SLC45A4: variants seen among roughly 807,000 people sequenced by gnomAD.
The protein encoded by SLC45A4 is solute carrier family 45 member 4, also known as polyamine-transporter SLC45A4.
SLC45A4 carries 32 observed loss-of-function variants against 63.7 expected under a neutral mutation model. That is an observed-to-expected ratio of 0.50 (90% CI 0.38 to 0.67). The LOEUF (loss-of-function observed/expected upper bound fraction) is 0.67. Ranked by LOEUF, SLC45A4 falls within the 30% of genes least tolerant of loss-of-function variation. The probability of loss-of-function intolerance (pLI) is 0.00; values close to 1 mark genes in which losing one functional copy is unlikely to be tolerated. For missense variants in SLC45A4, 1,027 were observed against 1,157.7 expected (o/e 0.89, Z 1.64); for synonymous variants, 535 against 510.0 (o/e 1.05, Z -0.66).
chr8:141,267,632 A>G (rs1589833501), intron 1 of SLC45A4, among the ~76,000 whole-genome samples: 1 of 152,342 alleles, frequency 6.6e-6, no homozygotes, highest in East Asian at 1.9e-4. Flanking sequence ...CCAATAAATG[A>G]TCTTTTGCTA....
chr8:141,284,408 C>T (rs1345047969), intron 1 of SLC45A4, among the ~76,000 whole-genome samples: 1 of 152,246 alleles, frequency 6.6e-6, no homozygotes, highest in Non-Finnish European at 1.5e-5. Context: ...AGGGGCCACC[C>T]CCAGCACTCC....
rs1183228647 is a variant in SLC45A4, at chr8:141,208,806, TG to T, written c.*2765del. 2 of 152,270 alleles carry T rather than the reference TG, an allele frequency of 1.3e-5. No individual in the cohort carries two copies. The highest frequency in any genetic ancestry group is 4.8e-5 in the African/African-American group (2 of 41,460). The allele number at this position is 152,270 out of a possible 1,614,324, so 9.4% of individuals were successfully genotyped here. On this transcript the variant is annotated 3_prime_UTR_variant, in exon 9 of 9. Transcript: ENST00000517878. ...TCCCGCCAGCTCGCATTCCTGCACC[TG>T]GAAACTTCTGCCATGTGTTAAGGGG...
chr8:141,246,182 C>G (rs866419542), intron 2 of SLC45A4, among the ~76,000 whole-genome samples: 2 of 152,186 alleles, frequency 1.3e-5, no homozygotes, highest in African/African-American at 4.8e-5. Flanking sequence ...GGAAAAATTC[C>G]AATGTACCCA....
intron 1 of SLC45A4, among the ~76,000 whole-genome samples, chr8:141,288,405 G>A (rs1830229856): frequency 6.6e-6 from 1 of 152,200 alleles, no homozygotes; most frequent in Non-Finnish European, 1.5e-5. Flanking sequence ...GCATCGGTAC[G>A]CCACATTTTC....
Position 141,234,417 on chromosome 8 carries a change from C to T in SLC45A4, c.242-12652G>A, listed in dbSNP as rs79276323. ...CTGGCCAGTGTGGAAGAAGGGCGTC[C>T]GTTGTTTGTTCCCTGCTCATGGCTG... is the stretch of plus-strand genomic sequence containing the variant. On this transcript the variant is annotated intron_variant, in intron 2 of 8. Coordinates refer to ENST00000517878, the MANE Select transcript of SLC45A4 (RefSeq NM_001286646.2). Among the ~76,000 whole-genome samples the T allele has an allele frequency of 9.8e-4, 150 of 152,306 alleles. 2 individuals are homozygous for T. The East Asian group carries it at 0.028, about 28-fold the overall frequency.
At chr8:141,222,417 T>G (rs548545909) in intron 2 of SLC45A4, among the ~76,000 whole-genome samples, 167 of 152,264 alleles carry the variant, frequency 1.1e-3, no homozygotes, top group Non-Finnish European at 1.9e-3. Context: ...GCACCTGTCA[T>G]GCTCACATTC....
In SLC45A4 at chr8:141,209,836, C is replaced by G. The variant is rs891522578; in HGVS notation, c.*1736G>C. 1 of 152,220 alleles carries G rather than the reference C, an allele frequency of 6.6e-6. No individual in the cohort carries two copies. The highest frequency in any genetic ancestry group is 2.4e-5 in the African/African-American group (1 of 41,450). 9.4% of individuals were successfully genotyped at this position (152,220 alleles called of 1,614,324 possible). A position where few individuals can be genotyped will look rare whatever the true frequency, so the allele number is the denominator to read the frequency against. On this transcript the variant is annotated 3_prime_UTR_variant, in exon 9 of 9. Coordinates refer to ENST00000517878, the MANE Select transcript of SLC45A4 (RefSeq NM_001286646.2). ...TAACACACTATTCAGAGGGGGGTTG[C>G]GAAGCCCCTCTTCCTCCTAAAAATC...
intron 1 of SLC45A4, among the ~76,000 whole-genome samples, chr8:141,297,242 C>T (rs1459049888): frequency 6.6e-6 from 1 of 151,850 alleles, no homozygotes; most frequent in Non-Finnish European, 1.5e-5. Flanking sequence ...CCAAATGCAA[C>T]AGGGCTCCAC....
At chr8:141,280,059 C>T (rs988598560) in intron 1 of SLC45A4, among the ~76,000 whole-genome samples, 3 of 152,236 alleles carry the variant, frequency 2.0e-5, no homozygotes, top group Admixed American at 1.3e-4. Context: ...CCAGCCTTGC[C>T]GCACATCAGT....
intron 2 of SLC45A4, among the ~76,000 whole-genome samples, chr8:141,242,513 C>T (rs1827962963): frequency 6.6e-6 from 1 of 152,154 alleles, no homozygotes; most frequent in African/African-American, 2.4e-5. Flanking sequence ...ACCATACTCC[C>T]CCATTATCAA....
At chr8:141,276,621 G>C (rs942287449) in intron 1 of SLC45A4, among the ~76,000 whole-genome samples, 4 of 152,172 alleles carry the variant, frequency 2.6e-5, no homozygotes, top group Admixed American at 2.6e-4. Context: ...CTCTGCCCCA[G>C]TGTCGCCCAC....
At chr8:141,257,092 T>G (rs1206903950) in intron 1 of SLC45A4, among the ~76,000 whole-genome samples, 1 of 152,206 alleles carries the variant, frequency 6.6e-6, no homozygotes, top group Non-Finnish European at 1.5e-5. Flanking sequence ...GACCTCATGA[T>G]CCACCTGCTT....
chr8:141,268,828 G>T (rs547679246), intron 1 of SLC45A4, among the ~76,000 whole-genome samples: 1 of 152,052 alleles, frequency 6.6e-6, no homozygotes, highest in Non-Finnish European at 1.5e-5. Flanking sequence ...TCGTGGAGGC[G>T]CCCATCTCCG....
chr8:141,236,677 A>G (rs1185627642), intron 2 of SLC45A4, among the ~76,000 whole-genome samples: 2 of 152,250 alleles, frequency 1.3e-5, no homozygotes, highest in African/African-American at 4.8e-5. Flanking sequence ...GATTGCTTTT[A>G]ATGGCAAAGT....
intron 1 of SLC45A4, among the ~76,000 whole-genome samples, chr8:141,290,820 C>T (rs1244541334): frequency 6.6e-6 from 1 of 152,230 alleles, no homozygotes; most frequent in Non-Finnish European, 1.5e-5. Context: ...AGGATCTTTC[C>T]TGGACACACA....
At chr8:141,258,496 T>C (rs1192111640) in intron 1 of SLC45A4, among the ~76,000 whole-genome samples, 1 of 152,192 alleles carries the variant, frequency 6.6e-6, no homozygotes, top group East Asian at 1.9e-4. Flanking sequence ...GCCTCTCACA[T>C]GGAGCATGGA....
intron 4 of SLC45A4, 93 bp from the exon 5 acceptor site, chr8:141,219,122 G>A (rs1826416122): frequency 6.9e-7 from 1 of 1,442,424 alleles, no homozygotes; most frequent in East Asian, 2.3e-5. Context: ...CAGGGGGCCG[G>A]GGCTGCCCTC....
At chr8:141,221,325 A>G (rs1382180417) in intron 3 of SLC45A4, among the ~76,000 whole-genome samples, 1 of 152,286 alleles carries the variant, frequency 6.6e-6, no homozygotes, top group Non-Finnish European at 1.5e-5. Flanking sequence ...ACGTGGTGTC[A>G]GATACGCATT....
intron 1 of SLC45A4, among the ~76,000 whole-genome samples, chr8:141,260,150 G>T (rs1330329752): frequency 2.6e-5 from 4 of 152,222 alleles, no homozygotes; most frequent in Non-Finnish European, 5.9e-5. Context: ...TTACACAGGT[G>T]ACCTCACTGG....
Sources: allele counts gnomAD v4.1 joint callset (sites outside exome capture counted in the v4.1 genomes callset), GRCh38; gene constraint gnomAD v4.1.1; transcripts MANE v1.5; gene names NCBI Gene and HGNC (gene_info 2026-07-23, HGNC 2026-07-21).